Variants in TACR2 observed in about 807,000 individuals in gnomAD.
TACR2 encodes the protein tachykinin receptor 2, also known as substance-K receptor.
A neutral mutation model predicts 28.9 loss-of-function variants in TACR2; 24 were observed. The ratio of observed to expected loss-of-function variants is 0.83; its 90% CI spans 0.60 to 1.17. TACR2 has a LOEUF of 1.17. Among genes scored for constraint, TACR2 ranks in the 50% most tolerant of loss-of-function variants. The pLI, the probability that TACR2 is intolerant of heterozygous loss-of-function variation, is 0.00. For missense variants in TACR2, 487 were observed against 524.4 expected (o/e 0.93, Z 0.70); for synonymous variants, 222 against 212.6 (o/e 1.04, Z -0.38).
At chr10:69,408,476 T>TTC (rs1418826694) in intron 3 of TACR2, among the ~76,000 whole-genome samples, 25 of 152,256 alleles carry the variant, frequency 1.6e-4, no homozygotes, top group African/African-American at 5.8e-4. Flanking sequence ...CTTTTTTTTT[T>TTC]CTTCCTTTTT....
At chr10:69,409,285 C>G (rs1170060860) in intron 2 of TACR2, 1 of 422,526 alleles carries the variant, frequency 2.4e-6, no homozygotes, top group Non-Finnish European at 4.2e-6. Context: ...GCAAAAGGGA[C>G]GCCAGCAGTA....
At chr10:69,414,870 C>A in intron 2 of TACR2, 75 bp downstream of exon 2, 1 of 1,448,638 alleles carries the variant, frequency 6.9e-7, no homozygotes, top group Admixed American at 1.9e-5. Flanking sequence ...TGGATGCATG[C>A]ACGCGTGTGT....
rs1218732239 is a variant in TACR2 at position 69,404,044 on chromosome 10, A to C, written c.*782T>G. On this transcript the variant is annotated 3_prime_UTR_variant, in exon 5 of 5. Transcript: ENST00000373306. ...GAATGCCTGTCCTCTCCAGGTTGCC[A>C]TGGCCCCCACCATTCCCTATTAGCT... The C allele has an allele frequency of 4.6e-5, 7 of 152,224 alleles. No individual in the cohort carries two copies. Among genetic ancestry groups the C allele is most frequent in the African/African-American group, 1.7e-4 (7 of 41,456 alleles). The allele number at this position is 152,224 out of a possible 1,614,324, so 9.4% of individuals were successfully genotyped here. A position where few individuals can be genotyped will look rare whatever the true frequency, so the allele number is the denominator to read the frequency against.
At chr10:69,414,507 T>C (rs1458613146) in intron 2 of TACR2, among the ~76,000 whole-genome samples, 1 of 152,140 alleles carries the variant, frequency 6.6e-6, no homozygotes, top group Non-Finnish European at 1.5e-5. Context: ...CAAGGGTGCA[T>C]ATTTGAGTAG....
chr10:69,411,895 G>C (rs1297574240), intron 2 of TACR2, among the ~76,000 whole-genome samples: 1 of 152,102 alleles, frequency 6.6e-6, no homozygotes, highest in African/African-American at 2.4e-5. Flanking sequence ...GCAATGGTGG[G>C]GTCTTGGCTC....
chr10:69,410,722 T>C (rs1004269408), intron 2 of TACR2, among the ~76,000 whole-genome samples: 7 of 152,150 alleles, frequency 4.6e-5, no homozygotes, highest in Non-Finnish European at 8.8e-5. Context: ...GTCTTGTGAA[T>C]GCCTTCTGAT....
At position 69,409,063 on chromosome 10, in the gene TACR2, C is replaced by T. The variant is rs1840535619; in HGVS notation, c.600G>A (p.Val200=). 2 of 1,603,616 alleles carry T rather than the reference C, an allele frequency of 1.2e-6. No homozygotes were observed. The highest frequency in any genetic ancestry group is 1.1e-5 in the South Asian group (1 of 89,796). Residue 200 remains valine, a synonymous_variant, in exon 3 of 5, where the codon GTG becomes GTA. Transcript: ENST00000373306. ...GGKTLLLYHL[V]VIALIYFLPL... is the part of the protein sequence containing the mutation. Reference sequence around the variant, plus strand: ...GCAGGAAGTAGATGAGGGCGATCACCACGAGGTGGTACCTGCAGGGAGAGC... The same window carrying T: ...GCAGGAAGTAGATGAGGGCGATCACTACGAGGTGGTACCTGCAGGGAGAGC...
At chr10:69,409,822 T>G (rs1441491712) in intron 2 of TACR2, among the ~76,000 whole-genome samples, 1 of 145,774 alleles carries the variant, frequency 6.9e-6, no homozygotes, top group African/African-American at 2.5e-5. Flanking sequence ...TATCCTACAG[T>G]ATAGCCATAT....
At chr10:69,410,390 G>C (rs755737299) in intron 2 of TACR2, among the ~76,000 whole-genome samples, 4 of 151,918 alleles carry the variant, frequency 2.6e-5, no homozygotes, top group African/African-American at 9.7e-5. Context: ...GCGTAATGGG[G>C]CACACCTGTA....
chr10:69,410,233 T>C (rs1157405720), intron 2 of TACR2, among the ~76,000 whole-genome samples: 2 of 151,924 alleles, frequency 1.3e-5, no homozygotes, highest in Admixed American at 1.3e-4. Context: ...GGAAACAGTG[T>C]AGGCCAGGCG....
chr10:69,409,101 A>T, intron 2 of TACR2, 26 bp from the exon 3 acceptor site: 1 of 1,556,620 alleles, frequency 6.4e-7, no homozygotes, highest in Non-Finnish European at 8.7e-7. Flanking sequence ...AGGCCTGGGC[A>T]GCGGAGGGCC....
Position 69,404,940 on chromosome 10 carries a change from C to G in TACR2, c.1083G>C (p.Gly361=). The change falls in exon 5 of 5, where the codon GGG becomes GGC. Residue 361 remains glycine (G), a synonymous_variant. Transcript: ENST00000373306. ...TGGTAGCCTCGGAGGGGGCTGTGTC[C>G]CCAGCCATGAACAAAGTCTCCTTAG... The part of the protein sequence containing the change: ...CHTKETLFMA[G]DTAPSEATSG... 6.2e-7 allele frequency: 1 copy of G among 1,614,180 alleles called. No homozygotes were observed. Among genetic ancestry groups the G allele is most frequent in the Non-Finnish European group, 8.5e-7 (1 of 1,180,024 alleles).
chr10:69,415,081 C>T lies in TACR2; in HGVS notation c.451G>A (p.Val151Ile). 1 of 1,613,472 alleles carries T rather than the reference C, an allele frequency of 6.2e-7. No individual in the cohort carries two copies. Among genetic ancestry groups the T allele is most frequent in the Non-Finnish European group, 8.5e-7 (1 of 1,180,006 alleles). The stretch of plus-strand genomic sequence containing the variant: ...GCCACCAGCCAGATGCCAGCAATAA[C>T]CGCCTTGGTGCTGGGAGCTGAAAGC... ...PRLSAPSTKA[V>I]IAGIWLVALA... Residue 151 changes from valine to isoleucine, a missense_variant, in exon 2 of 5, where the codon GTT (valine) becomes ATT (isoleucine). Transcript: ENST00000373306.
Position 69,407,129 on chromosome 10 carries a change from C to T in TACR2, c.893G>A (p.Ser298Asn). 2 of 1,614,004 alleles carry T rather than the reference C, an allele frequency of 1.2e-6. No homozygotes were observed. The highest frequency in any genetic ancestry group is 1.7e-6 in the Non-Finnish European group (2 of 1,179,972). The change falls in exon 4 of 5, where the codon AGC (serine) becomes AAC (asparagine). Residue 298 changes from serine (S) to asparagine (N), a missense_variant. Ser to Asn is a conservative substitution (Grantham distance 46, BLOSUM62 1). Coordinates refer to ENST00000373306, the MANE Select transcript of TACR2 (RefSeq NM_001057.3). Reference sequence around the variant, plus strand: ...GATGATGGGATTGTACATGGTAGAGCTCATGGCCAACCAGAAGAGTGCCAG... The same window carrying T: ...GATGATGGGATTGTACATGGTAGAGTTCATGGCCAACCAGAAGAGTGCCAG... Reference protein sequence around the residue: ...VYLALFWLAMSSTMYNPIIYC... With the variant: ...VYLALFWLAMNSTMYNPIIYC...
intron 1 of TACR2, 103 bp downstream of exon 1, chr10:69,415,829 G>T: frequency 7.1e-7 from 1 of 1,399,992 alleles, no homozygotes. Flanking sequence ...CATTCCCATG[G>T]TTCTACCCAA....
chr10:69,415,117 A>C lies in TACR2; in HGVS notation c.415T>G (p.Phe139Val), dbSNP rs372622967. The change falls in exon 2 of 5, where the codon TTC (phenylalanine) becomes GTC (valine). Residue 139 changes from phenylalanine to valine, a missense_variant. Phe to Val is a conservative substitution (Grantham distance 50). Coordinates refer to ENST00000373306, the MANE Select transcript of TACR2 (RefSeq NM_001057.3). ...ADRYMAIVHP[F>V]QPRLSAPSTK... ...CTGGGAGCTGAAAGCCGAGGCTGGA[A>C]GGGGTGGACGATGGCCATGTACCTG... is the stretch of plus-strand genomic sequence containing the variant. 1 of 1,612,344 alleles carries C rather than the reference A, an allele frequency of 6.2e-7. No homozygotes were observed. Among genetic ancestry groups the C allele is most frequent in the African/African-American group, 1.3e-5 (1 of 75,016 alleles).
intron 4 of TACR2, among the ~76,000 whole-genome samples, chr10:69,405,671 C>G (rs933335961): frequency 1.3e-5 from 2 of 152,180 alleles, no homozygotes; most frequent in Non-Finnish European, 2.9e-5. Flanking sequence ...AAAGGGAACG[C>G]TGGCTGCTCA....
intron 4 of TACR2, among the ~76,000 whole-genome samples, chr10:69,406,104 C>T (rs948272562): frequency 6.6e-6 from 1 of 152,188 alleles, no homozygotes; most frequent in African/African-American, 2.4e-5. Context: ...CTGCCCCAGG[C>T]GGGTGAAATG....
chr10:69,404,842 GT>G lies in TACR2; in HGVS notation c.1180del (p.Thr394LeufsTer17). The G allele has an allele frequency of 6.4e-7, 1 of 1,552,238 alleles. No individual in the cohort carries two copies. The highest frequency in any genetic ancestry group is 1.2e-5 in the South Asian group (1 of 83,430). On this transcript the variant is annotated frameshift_variant, in exon 5 of 5. Transcript: ENST00000373306. LOFTEE classifies it high-confidence loss of function. ...ACATTGGGATCAAATTTCAACATGA[GT>G]TTTGGTGGGGGCAAGCAAACCATAC... ...FGYGLLAPTK[T>X]HVEI
Sources: allele counts gnomAD v4.1 joint callset (sites outside exome capture counted in the v4.1 genomes callset), GRCh38; gene constraint gnomAD v4.1.1; transcripts MANE v1.5; gene names NCBI Gene and HGNC (gene_info 2026-07-23, HGNC 2026-07-21).